SLC22A23: variants seen among roughly 807,000 people sequenced by gnomAD.
The protein encoded by SLC22A23 is ion transporter protein.
SLC22A23 carries 26 observed loss-of-function variants against 61.0 expected under a neutral mutation model. That is an observed-to-expected ratio of 0.43 (90% CI 0.31 to 0.59). The LOEUF (loss-of-function observed/expected upper bound fraction) is 0.59. SLC22A23 is among the 20% of genes least tolerant of loss of function. The pLI is 0.11. For synonymous variants in SLC22A23, 430 were observed against 413.9 expected (o/e 1.04, Z -0.47); for missense variants, 796 against 934.7 (o/e 0.85, Z 1.94).
intron 5 of SLC22A23, among the ~76,000 whole-genome samples, chr6:3,293,057 C>G (rs538903565): frequency 4.4e-4 from 67 of 152,322 alleles, no homozygotes; most frequent in African/African-American, 1.5e-3. Flanking sequence ...GCCACTCGCC[C>G]AAGACCAGGC....
At chr6:3,276,872 G>A (rs1357289107) in intron 9 of SLC22A23, 14 of 152,258 alleles carry the variant, frequency 9.2e-5, no homozygotes, top group Admixed American at 9.2e-4. Flanking sequence ...CTGCCACAAA[G>A]GTGCGAGTGC....
chr6:3,391,527 T>C (rs1767660783), intron 3 of SLC22A23, among the ~76,000 whole-genome samples: 2 of 152,212 alleles, frequency 1.3e-5, no homozygotes, highest in Admixed American at 1.3e-4. Context: ...CATGAATTCA[T>C]TCATTCATCA....
intron 3 of SLC22A23, among the ~76,000 whole-genome samples, chr6:3,364,887 G>A (rs1765703467): frequency 6.6e-6 from 1 of 152,202 alleles, no homozygotes; most frequent in African/African-American, 2.4e-5. Context: ...CACTCTGGCG[G>A]TGTGGTGGAG....
chr6:3,362,441 ATT>A (rs1765538161), intron 3 of SLC22A23, among the ~76,000 whole-genome samples: 9 of 137,022 alleles, frequency 6.6e-5, no homozygotes, highest in African/African-American at 9.5e-5. Context: ...AAAAATAAAA[ATT>A]AGCATGCATT....
chr6:3,271,765 C>G lies in SLC22A23; in HGVS notation c.*1290G>C, dbSNP rs1039253600. ...CTCCGAAAATGCCAAGAGGAAACCT[C>G]CACTTTCTGGGGTGAAACGAGGAAC... On this transcript the variant is annotated 3_prime_UTR_variant, in exon 10 of 10. Coordinates refer to ENST00000406686, the MANE Select transcript of SLC22A23 (RefSeq NM_015482.2). The G allele has an allele frequency of 1.3e-5, 2 of 152,316 alleles. No homozygotes were observed. The highest frequency in any genetic ancestry group is 4.8e-5 in the African/African-American group (2 of 41,432). 9.4% of individuals were successfully genotyped at this position (152,316 alleles called of 1,614,324 possible).
At chr6:3,331,376 A>T (rs1189299012) in intron 3 of SLC22A23, among the ~76,000 whole-genome samples, 1 of 152,192 alleles carries the variant, frequency 6.6e-6, no homozygotes, top group African/African-American at 2.4e-5. Flanking sequence ...TGTCGCATGA[A>T]TAAATGTGAA....
intron 1 of SLC22A23, among the ~76,000 whole-genome samples, chr6:3,435,406 T>C (rs1277222578): frequency 2.7e-5 from 4 of 149,484 alleles, no homozygotes; most frequent in Non-Finnish European, 4.4e-5. Context: ...TCCCTCCTCC[T>C]CCCCTATGAT....
chr6:3,422,036 G>T (rs892290150), intron 1 of SLC22A23, among the ~76,000 whole-genome samples: 1 of 152,256 alleles, frequency 6.6e-6, no homozygotes, highest in Non-Finnish European at 1.5e-5. Context: ...AGCAAACCAC[G>T]AGGGTTTTAC....
At chr6:3,296,831 G>A (rs1761144107) in intron 5 of SLC22A23, among the ~76,000 whole-genome samples, 1 of 152,220 alleles carries the variant, frequency 6.6e-6, no homozygotes, top group African/African-American at 2.4e-5. Context: ...AGCTTCTAGT[G>A]ACCTAGTGTC....
In SLC22A23 at chr6:3,273,390, G is replaced by T. The variant is rs1371989651; in HGVS notation, c.1726C>A (p.Leu576Met). 1 of 1,611,878 alleles carries T rather than the reference G, an allele frequency of 6.2e-7. No homozygotes were observed. Among genetic ancestry groups the T allele is most frequent in the Non-Finnish European group, 8.5e-7 (1 of 1,179,796 alleles). ...VIRCGGLGLV[L>M]ASAGFGMLTA... ...AGCATGCCGAAGCCCGCGCTGGCCA[G>T]CACCAGCCCCAGCCCGCCACACCTG... The change falls in exon 10 of 10, where the codon CTG becomes ATG. Residue 576 changes from leucine to methionine, a missense_variant. Transcript: ENST00000406686.
At chr6:3,405,204 C>T (rs1330978757) in intron 3 of SLC22A23, among the ~76,000 whole-genome samples, 1 of 151,600 alleles carries the variant, frequency 6.6e-6, no homozygotes, top group African/African-American at 2.4e-5. Context: ...GAGGTTGTAG[C>T]GAGCTGAGAT....
rs1770593006 is a variant in SLC22A23 at position 3,427,717 on chromosome 6, T to A, written c.655-11862A>T. ...TGCAATCATTCCTTAAATATACTATTTTTCTGACCAAAAGAAAAAAAAAAG... is the reference window on the plus strand; with the variant it reads ...TGCAATCATTCCTTAAATATACTATATTTCTGACCAAAAGAAAAAAAAAAG... On this transcript the variant is annotated intron_variant, in intron 1 of 9. Coordinates refer to ENST00000406686, the MANE Select transcript of SLC22A23 (RefSeq NM_015482.2). This position sits in a 1 kb window ranked among gnomAD's most constrained non-coding sequence, Gnocchi z 4.3. Among the ~76,000 whole-genome samples the A allele has an allele frequency of 6.6e-6, 1 of 152,124 alleles. No homozygotes were observed. The highest frequency in any genetic ancestry group is 6.5e-5 in the Admixed American group (1 of 15,274).
In SLC22A23 at chr6:3,330,245, C is replaced by T. The variant is rs897024830; in HGVS notation, c.914-6243G>A. Among the ~76,000 whole-genome samples the T allele has an allele frequency of 1.3e-5, 2 of 152,212 alleles. No individual in the cohort carries two copies. Among genetic ancestry groups the T allele is most frequent in the Non-Finnish European group, 2.9e-5 (2 of 68,036 alleles). On this transcript the variant is annotated intron_variant, in intron 3 of 9. Transcript: ENST00000406686. The surrounding 1 kb of genome is among the most constrained non-coding windows in gnomAD (Gnocchi z 4.7). ...GGAAAATGTGGAAAGGAAGGAGGTG[C>T]AGTTTTCTCAACAGAGACTGGAGGG...
At chr6:3,431,581 T>G (rs1401125677) in intron 1 of SLC22A23, among the ~76,000 whole-genome samples, 2 of 152,222 alleles carry the variant, frequency 1.3e-5, no homozygotes, top group Non-Finnish European at 2.9e-5. Context: ...TAGTGTGAAC[T>G]GCTTTCATCT....
intron 3 of SLC22A23, among the ~76,000 whole-genome samples, chr6:3,341,658 T>TGGCTG (rs1252883193): frequency 2.0e-5 from 3 of 152,138 alleles, no homozygotes; most frequent in Admixed American, 6.5e-5. Flanking sequence ...CCAGCACTTC[T>TGGCTG]GATTCACGCT....
intron 5 of SLC22A23, among the ~76,000 whole-genome samples, chr6:3,292,988 A>G (rs999589527): frequency 6.6e-6 from 1 of 152,172 alleles, no homozygotes; most frequent in Non-Finnish European, 1.5e-5. Context: ...GCCTCTCCAC[A>G]TTTGGCCATC....
intron 3 of SLC22A23, among the ~76,000 whole-genome samples, chr6:3,378,743 C>G (rs541765699): frequency 3.0e-4 from 45 of 150,324 alleles, no homozygotes; most frequent in South Asian, 1.1e-3. Flanking sequence ...CTGCAACCTC[C>G]GCCTCCAGGG....
intron 3 of SLC22A23, among the ~76,000 whole-genome samples, chr6:3,384,630 A>T (rs1327952825): frequency 6.6e-6 from 1 of 152,228 alleles, no homozygotes; most frequent in African/African-American, 2.4e-5. Flanking sequence ...AAATGTCAAT[A>T]AAAACTTTTA....
chr6:3,333,423 C>T lies in SLC22A23; in HGVS notation c.914-9421G>A, dbSNP rs1763683500. 6.6e-6 allele frequency among the ~76,000 whole-genome samples: 1 copy of T among 152,098 alleles called. No homozygotes were observed. The highest frequency in any genetic ancestry group is 2.4e-5 in the African/African-American group (1 of 41,402). On this transcript the variant is annotated intron_variant, in intron 3 of 9. Transcript: ENST00000406686. This position sits in a 1 kb window ranked among gnomAD's most constrained non-coding sequence, Gnocchi z 4.1. ...TCTTTCACAGTGACCCATGTGATTT[C>T]CACCCCTCCCGCATCCCTCAGACCA...
Sources: allele counts gnomAD v4.1 joint callset (sites outside exome capture counted in the v4.1 genomes callset), GRCh38; gene constraint gnomAD v4.1.1; non-coding constraint Gnocchi (gnomAD v3.1); transcripts MANE v1.5; gene names NCBI Gene and HGNC (gene_info 2026-07-23, HGNC 2026-07-21).